Variants in SNTG2 observed in about 807,000 individuals in gnomAD.
The protein encoded by SNTG2 is gamma-2-syntrophin.
In SNTG2, 74 loss-of-function variants were observed where a neutral mutation model predicts 70.9. The ratio of observed to expected loss-of-function variants is 1.04; its 90% CI spans 0.86 to 1.27. The LOEUF (loss-of-function observed/expected upper bound fraction) is 1.27, where lower values mean the gene tolerates loss of function less well. Among genes scored for constraint, SNTG2 ranks in the 50% most tolerant of loss-of-function variants. SNTG2 has a pLI of 0.00. For synonymous variants in SNTG2, 278 were observed against 273.8 expected (o/e 1.02, Z -0.15); for missense variants, 717 against 690.7 (o/e 1.04, Z -0.43).
At chr2:1,283,478 A>G (rs1460493402) in intron 14 of SNTG2, among the ~76,000 whole-genome samples, 1 of 152,108 alleles carries the variant, frequency 6.6e-6, no homozygotes, top group Non-Finnish European at 1.5e-5. Flanking sequence ...GCTGCTGTGC[A>G]CCTGCAGGGC....
chr2:1,165,554 CTGCTGAGAAA>C lies in SNTG2; in HGVS notation c.424_433del (p.Arg142AlafsTer18). The C allele has an allele frequency of 1.2e-6, 2 of 1,611,824 alleles. No homozygotes were observed. Among genetic ancestry groups the C allele is most frequent in the Non-Finnish European group, 1.7e-6 (2 of 1,179,240 alleles). On this transcript the variant is annotated frameshift_variant, in exon 7 of 17. Transcript: ENST00000308624. LOFTEE classifies it high-confidence loss of function. ...ATTTTTGTCATATTGACAGGTGCAT[CTGCTGAGAAA>C]TGCTGGCGATGAAGTTACCATCACC...
At chr2:1,327,785 A>C (rs150370852) in intron 16 of SNTG2, among the ~76,000 whole-genome samples, 1 of 152,344 alleles carries the variant, frequency 6.6e-6, no homozygotes, top group Non-Finnish European at 1.5e-5. Flanking sequence ...TTCTTACTCA[A>C]ATTACCTGAA....
intron 9 of SNTG2, among the ~76,000 whole-genome samples, chr2:1,221,509 C>G (rs1158564341): frequency 6.3e-4 from 2 of 3,170 alleles, no homozygotes; most frequent in Non-Finnish European, 1.5e-3. Context: ...GTCTCTCTCT[C>G]TCTCTCTGTC....
At chr2:1,057,130 C>T (rs975828464) in intron 1 of SNTG2, among the ~76,000 whole-genome samples, 3 of 152,012 alleles carry the variant, frequency 2.0e-5, no homozygotes, top group Non-Finnish European at 4.4e-5. Flanking sequence ...AAGCAGCTGG[C>T]CTATTTCTGC....
At chr2:1,365,467 T>G (rs1661426833) in intron 16 of SNTG2, among the ~76,000 whole-genome samples, 1 of 152,174 alleles carries the variant, frequency 6.6e-6, no homozygotes, top group Non-Finnish European at 1.5e-5. Flanking sequence ...TTGCAGTCAC[T>G]AGGAGGTTGG....
At chr2:1,004,761 A>T (rs1419424824) in intron 1 of SNTG2, among the ~76,000 whole-genome samples, 2 of 152,232 alleles carry the variant, frequency 1.3e-5, no homozygotes, top group African/African-American at 4.8e-5. Flanking sequence ...GTGGTTTCTT[A>T]CTTTGCTAAA....
intron 2 of SNTG2, among the ~76,000 whole-genome samples, chr2:1,095,549 T>C (rs779630184): frequency 5.9e-5 from 9 of 152,206 alleles, no homozygotes; most frequent in Non-Finnish European, 1.0e-4. Context: ...AGAATATTAG[T>C]CCAGATTTTA....
In SNTG2 at chr2:1,088,054, C is replaced by G. The variant is rs114370224; in HGVS notation, c.210+4399C>G. 8.3e-3 allele frequency among the ~76,000 whole-genome samples: 1,263 copies of G among 152,248 alleles called. 18 individuals carry two copies. The highest frequency in any genetic ancestry group is 0.029 in the African/African-American group (1,201 of 41,552). On this transcript the variant is annotated intron_variant, in intron 2 of 16. Transcript: ENST00000308624. ...TGGGTCCAAAATCAGGAGTAGACAT[C>G]GCTTCTGCTTTACTTTTTTAAATTC... is the stretch of plus-strand genomic sequence containing the variant.
intron 16 of SNTG2, among the ~76,000 whole-genome samples, chr2:1,365,303 CAGG>C (rs1212077829): frequency 6.6e-6 from 1 of 152,330 alleles, no homozygotes; most frequent in African/African-American, 2.4e-5. Context: ...GAAGCTTTGG[CAGG>C]AGAATACACC....
intron 8 of SNTG2, among the ~76,000 whole-genome samples, chr2:1,181,388 A>C (rs896218251): frequency 2.0e-5 from 3 of 152,220 alleles, no homozygotes; most frequent in East Asian, 1.9e-4. Context: ...CTAGACTCAA[A>C]GGATTTAAGT....
intron 14 of SNTG2, among the ~76,000 whole-genome samples, chr2:1,274,633 G>C (rs111563148): frequency 1.3e-5 from 2 of 151,938 alleles, no homozygotes; most frequent in African/African-American, 2.4e-5. Flanking sequence ...TTCTGCCCTC[G>C]ATCAGGATGA....
intron 9 of SNTG2, among the ~76,000 whole-genome samples, chr2:1,222,047 GTCTCTCTCTGTCTCTGTTTCTCTCTGTC>G (rs1675121492): frequency 1.7e-4 from 1 of 6,002 alleles, no homozygotes; most frequent in East Asian, 0.011. Flanking sequence ...GTCTCTCTCT[GTCTCTCTCTGTCTCTGTTTCTCTCTGTC>G]TCTGTCTCTG....
At chr2:995,064 T>A (rs1411704912) in intron 1 of SNTG2, among the ~76,000 whole-genome samples, 4 of 151,864 alleles carry the variant, frequency 2.6e-5, no homozygotes, top group Non-Finnish European at 5.9e-5. Flanking sequence ...TCTTTTTTCC[T>A]CCTAATATTC....
In SNTG2 at chr2:1,104,526, T is replaced by C. The variant is rs115949735; in HGVS notation, c.325+6116T>C. ...TTTTGTTAAGTCAATAGACTTCTAA[T>C]GTGCACATGTTTACCTAAGTTTTAG... On this transcript the variant is annotated intron_variant, in intron 4 of 16. Transcript: ENST00000308624. Among the ~76,000 whole-genome samples, 978 of 152,364 alleles carry C rather than the reference T, an allele frequency of 6.4e-3. 6 individuals are homozygous for C. Among genetic ancestry groups the C allele is most frequent in the African/African-American group, 0.022 (919 of 41,582 alleles).
chr2:1,173,172 TC>T lies in SNTG2; in HGVS notation c.582del (p.Ser195ValfsTer12), dbSNP rs748582229. The T allele has an allele frequency of 6.8e-6, 11 of 1,613,798 alleles. No homozygotes were observed. Among genetic ancestry groups the T allele is most frequent in the Non-Finnish European group, 8.5e-6 (10 of 1,179,806 alleles). ...CAGCGGTTTGCATCTGAACGGAAAC[TC>T]CAGTACCACAGTAAGCATATAGATT... ...FDSGLHLNGN[S>X]STTAPSSPSS... is the part of the protein sequence containing the mutation. On this transcript the variant is annotated frameshift_variant, in exon 8 of 17. Transcript: ENST00000308624. LOFTEE classifies it high-confidence loss of function.
intron 9 of SNTG2, among the ~76,000 whole-genome samples, chr2:1,233,557 T>C (rs1364723048): frequency 6.6e-6 from 1 of 152,218 alleles, no homozygotes; most frequent in Non-Finnish European, 1.5e-5. Context: ...AGGCTGGCAC[T>C]GAGCCCACAG....
At chr2:1,164,072 G>A (rs527493211) in intron 6 of SNTG2, among the ~76,000 whole-genome samples, 2 of 152,320 alleles carry the variant, frequency 1.3e-5, no homozygotes, top group African/African-American at 4.8e-5. Context: ...AGATCAGAGG[G>A]AGCGATGAAG....
chr2:1,232,440 C>T (rs918091888), intron 9 of SNTG2, among the ~76,000 whole-genome samples: 4 of 152,078 alleles, frequency 2.6e-5, no homozygotes, highest in Admixed American at 6.6e-5. Flanking sequence ...GCTGGGACTA[C>T]AGGCCCGCCA....
chr2:1,123,061 A>G (rs1667475893), intron 4 of SNTG2, among the ~76,000 whole-genome samples: 1 of 152,192 alleles, frequency 6.6e-6, no homozygotes, highest in Admixed American at 6.5e-5. Flanking sequence ...AAAACATTGA[A>G]GAAGATACCA....
Sources: allele counts gnomAD v4.1 joint callset (sites outside exome capture counted in the v4.1 genomes callset), GRCh38; gene constraint gnomAD v4.1.1; transcripts MANE v1.5; gene names NCBI Gene and HGNC (gene_info 2026-07-23, HGNC 2026-07-21).